PDE10A: variants seen among roughly 807,000 people sequenced by gnomAD.
The protein encoded by PDE10A is phosphodiesterase 10A, also known as cAMP and cAMP-inhibited cGMP 3',5'-cyclic phosphodiesterase 10A.
PDE10A carries 39 observed loss-of-function variants against 97.7 expected under a neutral mutation model. The observed-to-expected ratio is 0.40, with a 90% confidence interval of 0.31 to 0.52. The LOEUF is 0.52. PDE10A is among the 20% of genes least tolerant of loss of function. The pLI, the probability that PDE10A is intolerant of heterozygous loss-of-function variation, is 0.56. For synonymous variants in PDE10A, 371 were observed against 376.8 expected, an observed-to-expected ratio of 0.98 and a Z score of 0.18; for missense variants, 731 against 1,047.8, an observed-to-expected ratio of 0.70 and a Z score of 4.17.
intron 1 of PDE10A, among the ~76,000 whole-genome samples, chr6:165,545,853 G>A (rs1224764152): frequency 6.6e-6 from 1 of 151,964 alleles, no homozygotes; most frequent in African/African-American, 2.4e-5. Context: ...AGACTGTTTG[G>A]CAGTTTCTTA....
chr6:165,485,969 G>T (rs1779893624), intron 2 of PDE10A, among the ~76,000 whole-genome samples: 1 of 152,182 alleles, frequency 6.6e-6, no homozygotes, highest in Non-Finnish European at 1.5e-5. Flanking sequence ...AGTTGATCCT[G>T]CCTGCTGCTA....
chr6:165,967,813 G>A (rs1476222521), intron 1 of PDE10A, among the ~76,000 whole-genome samples: 2 of 152,224 alleles, frequency 1.3e-5, no homozygotes, highest in South Asian at 4.2e-4. Context: ...ATACACAAGA[G>A]AAGTGATTCC....
chr6:165,898,669 A>C (rs1583253917), intron 1 of PDE10A, among the ~76,000 whole-genome samples: 1 of 151,186 alleles, frequency 6.6e-6, no homozygotes, highest in Admixed American at 6.6e-5. Context: ...CCTCCCTGGG[A>C]CCCTCCCAAC....
chr6:165,888,724 G>A (rs527815531), intron 1 of PDE10A, among the ~76,000 whole-genome samples: 1 of 152,334 alleles, frequency 6.6e-6, no homozygotes, highest in South Asian at 2.1e-4. Context: ...AAATGCATGA[G>A]CCTAAGAAAT....
At chr6:165,873,496 G>C (rs1256380783) in intron 1 of PDE10A, among the ~76,000 whole-genome samples, 2 of 151,484 alleles carry the variant, frequency 1.3e-5, no homozygotes, top group Non-Finnish European at 3.0e-5. Flanking sequence ...GAGTTTGAAA[G>C]GCAACTGTTT....
intron 1 of PDE10A, among the ~76,000 whole-genome samples, chr6:165,873,980 T>C (rs1037477948): frequency 6.6e-6 from 1 of 152,238 alleles, no homozygotes; most frequent in Non-Finnish European, 1.5e-5. Flanking sequence ...ATTTCTATTA[T>C]TACCACTCTT....
At chr6:165,401,737 G>T (rs1786680935) in intron 13 of PDE10A, among the ~76,000 whole-genome samples, 1 of 152,194 alleles carries the variant, frequency 6.6e-6, no homozygotes, top group Non-Finnish European at 1.5e-5. Flanking sequence ...TGTGAGAGGA[G>T]ACTGCTTCCT....
intron 1 of PDE10A, among the ~76,000 whole-genome samples, chr6:165,978,189 T>C (rs1469528354): frequency 6.6e-6 from 1 of 152,174 alleles, no homozygotes; most frequent in East Asian, 1.9e-4. Flanking sequence ...CCCGTAAAAT[T>C]CACCTAAGCT....
At position 165,551,168 on chromosome 6, in the gene PDE10A, T is replaced by C. The variant is rs1406865612; in HGVS notation, c.866-7600A>G. Reference sequence around the variant, plus strand: ...ACAATTGTTCTAGGCTGTACACATATGCACCTATGTAAAACCTTCCTTTAT... The same window carrying C: ...ACAATTGTTCTAGGCTGTACACATACGCACCTATGTAAAACCTTCCTTTAT... On this transcript the variant is annotated intron_variant, in intron 1 of 21. Coordinates refer to ENST00000539869, the MANE Select transcript of PDE10A (RefSeq NM_001385079.1). Among the ~76,000 whole-genome samples, 4 of 152,324 alleles carry C rather than the reference T, an allele frequency of 2.6e-5. No homozygotes were observed. In the East Asian group the frequency reaches 7.7e-4, roughly 29 times the overall value.
At chr6:165,981,567 C>G (rs1044587597) in intron 1 of PDE10A, among the ~76,000 whole-genome samples, 2 of 152,186 alleles carry the variant, frequency 1.3e-5, no homozygotes, top group African/African-American at 4.8e-5. Flanking sequence ...GGCCTCTGTT[C>G]CATTCTGCAG....
intron 1 of PDE10A, among the ~76,000 whole-genome samples, chr6:165,760,515 T>C (rs574726940): frequency 6.6e-6 from 1 of 152,346 alleles, no homozygotes; most frequent in Admixed American, 6.5e-5. Context: ...TCTGTGTGCT[T>C]TTATCATAAC....
chr6:165,583,577 T>C (rs999135840), intron 1 of PDE10A, among the ~76,000 whole-genome samples: 4 of 152,144 alleles, frequency 2.6e-5, no homozygotes, highest in Non-Finnish European at 5.9e-5. Context: ...TCACAGCAAA[T>C]GAGGTATGAC....
At chr6:165,898,925 C>T (rs1458938663) in intron 1 of PDE10A, among the ~76,000 whole-genome samples, 1 of 152,186 alleles carries the variant, frequency 6.6e-6, no homozygotes, top group Admixed American at 6.5e-5. Flanking sequence ...TGCATCATTC[C>T]CCCATTTCTT....
intron 1 of PDE10A, chr6:165,576,568 A>G (rs1010233664): frequency 4.4e-6 from 3 of 689,182 alleles, no homozygotes; most frequent in South Asian, 1.7e-5. Flanking sequence ...AAAAAATCAA[A>G]TAACTAACAG....
intron 2 of PDE10A, among the ~76,000 whole-genome samples, chr6:165,542,505 T>C (rs1021385119): frequency 1.3e-5 from 2 of 151,820 alleles, no homozygotes; most frequent in African/African-American, 4.8e-5. Context: ...TTGCAGAAAA[T>C]TTAAACCACG....
At chr6:165,628,681 C>T (rs1428265043) in intron 1 of PDE10A, among the ~76,000 whole-genome samples, 1 of 152,066 alleles carries the variant, frequency 6.6e-6, no homozygotes, top group Non-Finnish European at 1.5e-5. Context: ...CTGATATTAA[C>T]TTGTTCTGAT....
At chr6:165,376,348 C>G (rs1160706930) in intron 18 of PDE10A, among the ~76,000 whole-genome samples, 3 of 152,196 alleles carry the variant, frequency 2.0e-5, no homozygotes, top group African/African-American at 4.8e-5. Flanking sequence ...TGAGGTGCTT[C>G]TTATGAATGA....
chr6:165,483,589 A>G (rs1161631348), intron 2 of PDE10A, among the ~76,000 whole-genome samples: 2 of 152,274 alleles, frequency 1.3e-5, no homozygotes, highest in Non-Finnish European at 2.9e-5. Flanking sequence ...AACAGATTCT[A>G]AAGTTACAGA....
intron 1 of PDE10A, among the ~76,000 whole-genome samples, chr6:165,784,923 C>G (rs1229055301): frequency 6.6e-6 from 1 of 152,208 alleles, no homozygotes; most frequent in Non-Finnish European, 1.5e-5. Flanking sequence ...TCCTGGGGAA[C>G]TGGTTTTCAC....
Sources: allele counts gnomAD v4.1 joint callset (sites outside exome capture counted in the v4.1 genomes callset), GRCh38; gene constraint gnomAD v4.1.1; transcripts MANE v1.5; gene names NCBI Gene and HGNC (gene_info 2026-07-23, HGNC 2026-07-21).